The following SEMA6D variants were observed in gnomAD, a reference collection of about 807,000 sequenced individuals.
The protein encoded by SEMA6D is semaphorin 6D, also known as semaphorin-6D.
A neutral mutation model predicts 106.6 loss-of-function variants in SEMA6D; 35 were observed. The ratio of observed to expected loss-of-function variants is 0.33; its 90% CI spans 0.25 to 0.44. The LOEUF (loss-of-function observed/expected upper bound fraction) is 0.44, where lower values mean the gene tolerates loss of function less well. SEMA6D is among the 20% of genes least tolerant of loss of function. The pLI is 1.00. For missense variants in SEMA6D, 1,185 were observed against 1,345.9 expected (o/e 0.88, Z 1.87); for synonymous variants, 499 against 487.7 (o/e 1.02, Z -0.31).
intron 4 of SEMA6D, among the ~76,000 whole-genome samples, chr15:47,662,533 T>C (rs2077943949): frequency 6.6e-6 from 1 of 152,196 alleles, no homozygotes. Flanking sequence ...TTTCTTAGAA[T>C]TTATATTCCT....
At chr15:47,668,176 CTT>C (rs61000341) in intron 4 of SEMA6D, among the ~76,000 whole-genome samples, 6,117 of 152,214 alleles carry the variant, frequency 0.04, 400 homozygotes, top group African/African-American at 0.13. Flanking sequence ...ACTTCACTGA[CTT>C]TATTTCCTCT....
chr15:47,494,387 T>C (rs1246263963), intron 3 of SEMA6D, among the ~76,000 whole-genome samples: 1 of 152,014 alleles, frequency 6.6e-6, no homozygotes, highest in African/African-American at 2.4e-5. Flanking sequence ...CTGCTGTCTG[T>C]AAAACAGCTG....
chr15:47,459,017 G>T (rs2042423665), intron 2 of SEMA6D, among the ~76,000 whole-genome samples: 1 of 151,936 alleles, frequency 6.6e-6, no homozygotes. Flanking sequence ...CCTGTGACTT[G>T]CTTCTAACCC....
At chr15:47,192,844 G>C (rs1894058504) in intron 1 of SEMA6D, among the ~76,000 whole-genome samples, 1 of 152,196 alleles carries the variant, frequency 6.6e-6, no homozygotes, top group African/African-American at 2.4e-5. Context: ...CTACTGAATA[G>C]AGACAATAGA....
At chr15:47,367,678 A>ATG (rs2039089895) in intron 1 of SEMA6D, among the ~76,000 whole-genome samples, 9 of 137,592 alleles carry the variant, frequency 6.5e-5, no homozygotes, top group East Asian at 4.1e-4. Flanking sequence ...GCACGCTCAC[A>ATG]CGCGCGCGCG....
chr15:47,766,406 C>A (rs1020456856), intron 15 of SEMA6D, among the ~76,000 whole-genome samples: 7 of 151,834 alleles, frequency 4.6e-5, no homozygotes, highest in South Asian at 2.1e-4. Flanking sequence ...AGAGAAAAAA[C>A]CAATTCTCTT....
chr15:47,465,931 A>G (rs1406241588), intron 2 of SEMA6D, among the ~76,000 whole-genome samples: 1 of 152,242 alleles, frequency 6.6e-6, no homozygotes. Flanking sequence ...GGAACTTGAC[A>G]TGCTTTTCTG....
At chr15:47,769,259 TAGG>T (rs2082506386) in intron 18 of SEMA6D, among the ~76,000 whole-genome samples, 1 of 152,160 alleles carries the variant, frequency 6.6e-6, no homozygotes, top group Admixed American at 6.6e-5. Context: ...CAGCCCGTAA[TAGG>T]AGCAGTTATA....
At chr15:47,261,631 C>T (rs530589144) in intron 1 of SEMA6D, among the ~76,000 whole-genome samples, 3 of 152,210 alleles carry the variant, frequency 2.0e-5, no homozygotes, top group African/African-American at 7.2e-5. Context: ...TCATCACCTC[C>T]TAAAGGAAAC....
chr15:47,252,806 A>G (rs1010953095), intron 1 of SEMA6D, among the ~76,000 whole-genome samples: 1 of 152,162 alleles, frequency 6.6e-6, no homozygotes, highest in Admixed American at 6.5e-5. Context: ...ATTCATGGAC[A>G]CTTGTTGATT....
At chr15:47,651,400 G>T (rs900881561) in intron 4 of SEMA6D, among the ~76,000 whole-genome samples, 2 of 151,762 alleles carry the variant, frequency 1.3e-5, no homozygotes, top group Admixed American at 6.6e-5. Context: ...GCAACACCCT[G>T]CCTCTAAAAA....
chr15:47,655,008 C>T lies in SEMA6D; in HGVS notation c.-55+54112C>T, dbSNP rs561002192. Among the ~76,000 whole-genome samples, 15 of 152,276 alleles carry T rather than the reference C, an allele frequency of 9.9e-5. No individual in the cohort carries two copies. In the East Asian group the frequency reaches 2.3e-3, roughly 23 times the overall value. The stretch of plus-strand genomic sequence containing the variant: ...AGGCTGAGGAGGAGGAGGAAGAAGA[C>T]GAGAGGTTTGTCTAACTGTCTCATG... On this transcript the variant is annotated intron_variant, in intron 4 of 19. Transcript: ENST00000558014.
intron 1 of SEMA6D, among the ~76,000 whole-genome samples, chr15:47,394,292 A>C (rs1260114921): frequency 6.6e-6 from 1 of 152,224 alleles, no homozygotes; most frequent in East Asian, 1.9e-4. Context: ...GAAATGGGCT[A>C]TCTTTAATGG....
chr15:47,206,961 A>T (rs1711705875), intron 1 of SEMA6D, among the ~76,000 whole-genome samples: 1 of 152,104 alleles, frequency 6.6e-6, no homozygotes, highest in Non-Finnish European at 1.5e-5. Context: ...AAAAACAAAT[A>T]AGAGAGAGAA....
intron 3 of SEMA6D, among the ~76,000 whole-genome samples, chr15:47,515,291 A>G (rs940542516): frequency 6.6e-6 from 1 of 152,046 alleles, no homozygotes; most frequent in African/African-American, 2.4e-5. Flanking sequence ...CCTAATCTCC[A>G]TATCTGTCTT....
intron 1 of SEMA6D, among the ~76,000 whole-genome samples, chr15:47,245,541 T>TGTCA (rs1252142876): frequency 6.6e-6 from 1 of 152,200 alleles, no homozygotes; most frequent in Non-Finnish European, 1.5e-5. Context: ...TGTTTGTGAA[T>TGTCA]GTCAGCTTCT....
upstream of SEMA6D, among the ~76,000 whole-genome samples, chr15:47,713,006 C>T (rs2079048455): frequency 6.6e-6 from 1 of 152,120 alleles, no homozygotes; most frequent in African/African-American, 2.4e-5. Flanking sequence ...CTTCATATCT[C>T]TTGTCTGTTT....
chr15:47,639,012 G>A (rs1378501870), intron 4 of SEMA6D, among the ~76,000 whole-genome samples: 1 of 152,208 alleles, frequency 6.6e-6, no homozygotes, highest in Admixed American at 6.5e-5. Context: ...CGTGCACTAT[G>A]TCTGTCTCCT....
In SEMA6D at chr15:47,311,690, G is replaced by GA. The variant is rs1049215996; in HGVS notation, c.-238-100694dup. ...TCATTAAAATTACAGAAGCAGGAAT[G>GA]AAAAAAAAATCTATATATAGCTTTT... On this transcript the variant is annotated intron_variant, in intron 1 of 19. Coordinates refer to the SEMA6D transcript ENST00000558014. Among the ~76,000 whole-genome samples the GA allele has an allele frequency of 1.2e-4, 18 of 150,970 alleles. 1 individual carries two copies. The highest frequency in any genetic ancestry group is 4.2e-4 in the South Asian group (2 of 4,770).
Sources: gnomAD v4.1 joint callset for allele counts (sites outside exome capture counted in the v4.1 genomes callset) on GRCh38, gnomAD v4.1.1 for gene constraint, MANE v1.5 for transcripts, NCBI Gene and HGNC (gene_info 2026-07-23, HGNC 2026-07-21) for gene names.